Variants in GRID1 observed in about 807,000 individuals in gnomAD.
The protein encoded by GRID1 is glutamate ionotropic receptor delta type subunit 1.
Under a neutral mutation model 98.0 loss-of-function variants are expected in GRID1, and 28 were observed. That is an observed-to-expected ratio of 0.29 (90% CI 0.21 to 0.39). The LOEUF (loss-of-function observed/expected upper bound fraction) is 0.39, where lower values mean the gene tolerates loss of function less well. GRID1 is among the 10% of genes least tolerant of loss of function. The pLI, the probability that GRID1 is intolerant of heterozygous loss-of-function variation, is 1.00. For synonymous variants in GRID1, 553 were observed against 538.5 expected (o/e 1.03, Z -0.37); for missense variants, 1,111 against 1,340.5 (o/e 0.83, Z 2.67).
In GRID1 at chr10:85,647,347, C is replaced by T. The variant is rs76097378; in HGVS notation, c.2048G>A (p.Arg683Gln). Reference sequence around the variant, plus strand: ...GAAGTACTCATATACAGCAGAATCCCGGACAGTGCCATAAGACATTTCCAC... The same window carrying T: ...GAAGTACTCATATACAGCAGAATCCTGGACAGTGCCATAAGACATTTCCAC... Reference protein sequence around the residue: ...KQVEMSYGTVRDSAVYEYFRA... With the variant: ...KQVEMSYGTVQDSAVYEYFRA... The change falls in exon 13 of 16, where the codon CGG becomes CAG. Residue 683 changes from arginine to glutamine, a missense_variant. Physicochemically the swap from Arg to Gln is conservative, Grantham distance 43. Coordinates refer to ENST00000327946, the MANE Select transcript of GRID1 (RefSeq NM_017551.3). 1.7e-5 allele frequency: 27 copies of T among 1,614,206 alleles called. No homozygotes were observed. The highest frequency in any genetic ancestry group is 8.0e-5 in the African/African-American group (6 of 75,052).
At chr10:86,032,324 T>C (rs1211093177) in intron 4 of GRID1, among the ~76,000 whole-genome samples, 2 of 151,688 alleles carry the variant, frequency 1.3e-5, no homozygotes, top group Non-Finnish European at 2.9e-5. Flanking sequence ...ATCTGGGAGG[T>C]GTACCCAGCA....
chr10:86,078,816 G>A (rs1292656304), intron 4 of GRID1, among the ~76,000 whole-genome samples: 1 of 152,206 alleles, frequency 6.6e-6, no homozygotes, highest in Non-Finnish European at 1.5e-5. Flanking sequence ...AAATCCCTGG[G>A]ACTGTGTTTG....
chr10:86,264,522 C>T (rs11201958), intron 2 of GRID1, among the ~76,000 whole-genome samples: 4,682 of 152,308 alleles, frequency 0.031, 102 homozygotes, highest in Non-Finnish European at 0.052. Context: ...CTCTAGGAGC[C>T]CATTCCTGAA....
chr10:86,065,244 T>G (rs1040545551), intron 4 of GRID1, among the ~76,000 whole-genome samples: 1 of 152,190 alleles, frequency 6.6e-6, no homozygotes, highest in Non-Finnish European at 1.5e-5. Context: ...AAATGCAAAT[T>G]CCCAGGTCTG....
At chr10:86,349,517 T>C (rs921742041) in intron 2 of GRID1, among the ~76,000 whole-genome samples, 1 of 152,206 alleles carries the variant, frequency 6.6e-6, no homozygotes, top group African/African-American at 2.4e-5. Context: ...TTCTCCCCTT[T>C]GCACATGGCC....
intron 4 of GRID1, among the ~76,000 whole-genome samples, chr10:86,056,575 G>A (rs556828056): frequency 1.2e-4 from 19 of 152,152 alleles, no homozygotes; most frequent in Non-Finnish European, 2.1e-4. Context: ...TCAGACTGCC[G>A]AGCCACACAG....
intron 5 of GRID1, among the ~76,000 whole-genome samples, chr10:85,913,790 C>CA (rs1212553764): frequency 6.6e-6 from 1 of 151,890 alleles, no homozygotes; most frequent in Non-Finnish European, 1.5e-5. Flanking sequence ...ACTCCAGTCT[C>CA]AAAAAATAAA....
intron 2 of GRID1, among the ~76,000 whole-genome samples, chr10:86,332,946 G>A (rs1176230398): frequency 6.6e-6 from 1 of 152,144 alleles, no homozygotes; most frequent in Non-Finnish European, 1.5e-5. Flanking sequence ...CCATCAGCCT[G>A]TCCAGCCCAC....
At chr10:86,080,918 T>A (rs1843968948) in intron 4 of GRID1, among the ~76,000 whole-genome samples, 1 of 152,116 alleles carries the variant, frequency 6.6e-6, no homozygotes, top group African/African-American at 2.4e-5. Context: ...GGTAGACTAA[T>A]TCCCTCACTT....
intron 15 of GRID1, among the ~76,000 whole-genome samples, chr10:85,612,292 T>A (rs1842741871): frequency 1.0e-5 from 1 of 99,484 alleles, no homozygotes; most frequent in Non-Finnish European, 2.0e-5. Context: ...GCCAAATCCC[T>A]TCCCCAAATC....
At chr10:86,025,227 C>T (rs185864097) in intron 4 of GRID1, among the ~76,000 whole-genome samples, 2 of 152,210 alleles carry the variant, frequency 1.3e-5, no homozygotes, top group African/African-American at 4.8e-5. Flanking sequence ...CTGCAGACCA[C>T]GAATAGTAAC....
At position 85,786,586 on chromosome 10, in the gene GRID1, C is replaced by A. The variant is rs554875048; in HGVS notation, c.1234-56972G>T. Among the ~76,000 whole-genome samples, 3 of 152,318 alleles carry A rather than the reference C, an allele frequency of 2.0e-5. No homozygotes were observed. The South Asian group carries it at 6.2e-4, about 32-fold the overall frequency. On this transcript the variant is annotated intron_variant, in intron 8 of 15. Transcript: ENST00000327946. Reference sequence around the variant, plus strand: ...AAGGCATAGCTTTCTCCCCGACATCCCTCCCACCCTGCTGCCTCACCCAGG... The same window carrying A: ...AAGGCATAGCTTTCTCCCCGACATCACTCCCACCCTGCTGCCTCACCCAGG...
chr10:86,087,806 C>G (rs1047281788), intron 4 of GRID1, among the ~76,000 whole-genome samples: 1 of 152,160 alleles, frequency 6.6e-6, no homozygotes, highest in Non-Finnish European at 1.5e-5. Flanking sequence ...AGCCCGCAAC[C>G]ACTGAGACCC....
intron 5 of GRID1, among the ~76,000 whole-genome samples, chr10:85,900,323 G>C (rs1401561450): frequency 1.3e-5 from 2 of 152,130 alleles, no homozygotes; most frequent in Non-Finnish European, 2.9e-5. Flanking sequence ...GTAATAACAG[G>C]GTAGAAGGCA....
At chr10:86,109,906 G>GA (rs1272022112) in intron 4 of GRID1, among the ~76,000 whole-genome samples, 2 of 150,004 alleles carry the variant, frequency 1.3e-5, no homozygotes, top group Non-Finnish European at 3.0e-5. Context: ...CATAGGTAAA[G>GA]AAAAAAATGC....
rs368752557 is a variant in GRID1 at position 86,242,703 on chromosome 10, A to G, written c.236-36055T>C. Reference sequence around the variant, plus strand: ...CCACCTCGTCCAAAAGGGCCTCTCCAGCAGTACACTCTTCACACCCTACTC... The same window carrying G: ...CCACCTCGTCCAAAAGGGCCTCTCCGGCAGTACACTCTTCACACCCTACTC... On this transcript the variant is annotated intron_variant, in intron 2 of 15. Transcript: ENST00000327946. Among the ~76,000 whole-genome samples the G allele has an allele frequency of 1.6e-4, 24 of 152,288 alleles. No homozygotes were observed. The East Asian group carries it at 1.7e-3, about 11-fold the overall frequency.
chr10:86,200,884 AT>A (rs1845941918), intron 3 of GRID1, among the ~76,000 whole-genome samples: 1 of 152,202 alleles, frequency 6.6e-6, no homozygotes, highest in Non-Finnish European at 1.5e-5. Flanking sequence ...ATAAAATTAC[AT>A]TTTACACTAG....
intron 4 of GRID1, among the ~76,000 whole-genome samples, chr10:86,099,001 T>A (rs1190512988): frequency 1.3e-5 from 2 of 152,206 alleles, no homozygotes; most frequent in African/African-American, 4.8e-5. Flanking sequence ...TCTGGTTTGA[T>A]TTTCACAACC....
intron 3 of GRID1, among the ~76,000 whole-genome samples, chr10:86,196,334 T>C (rs867464960): frequency 2.0e-5 from 3 of 152,128 alleles, no homozygotes; most frequent in South Asian, 2.1e-4. Flanking sequence ...CCCAGCATTG[T>C]CCTGGGTACT....
Sources: gnomAD v4.1 joint callset for allele counts (sites outside exome capture counted in the v4.1 genomes callset) on GRCh38, gnomAD v4.1.1 for gene constraint, MANE v1.5 for transcripts, NCBI Gene and HGNC (gene_info 2026-07-23, HGNC 2026-07-21) for gene names.